The following MB21D2 variants were observed in gnomAD, a reference collection of about 807,000 sequenced individuals.
MB21D2 encodes the protein nucleotidyltransferase MB21D2.
Under a neutral mutation model 33.3 loss-of-function variants are expected in MB21D2, and 9 were observed. The observed-to-expected ratio is 0.27, with a 90% confidence interval of 0.16 to 0.47. The LOEUF (loss-of-function observed/expected upper bound fraction) is 0.47. MB21D2 is among the 20% of genes least tolerant of loss of function. The pLI, the probability that MB21D2 is intolerant of heterozygous loss-of-function variation, is 0.99. For missense variants in MB21D2, 540 were observed against 624.6 expected (o/e 0.86, Z 1.44); for synonymous variants, 241 against 236.3 (o/e 1.02, Z -0.18).
At chr3:192,827,196 C>T (rs1712194724) in intron 1 of MB21D2, among the ~76,000 whole-genome samples, 4 of 151,710 alleles carry the variant, frequency 2.6e-5, no homozygotes, top group African/African-American at 7.3e-5. Context: ...GCGCCCGGCA[C>T]CCTGTCTTTC....
At chr3:192,824,592 T>C (rs1003688419) in intron 1 of MB21D2, among the ~76,000 whole-genome samples, 1 of 152,188 alleles carries the variant, frequency 6.6e-6, no homozygotes, top group African/African-American at 2.4e-5. Flanking sequence ...TAAAGTATTT[T>C]CAACTCTAAA....
chr3:192,826,895 CTT>C (rs928013428), intron 1 of MB21D2, among the ~76,000 whole-genome samples: 12 of 143,988 alleles, frequency 8.3e-5, no homozygotes, highest in Admixed American at 7.0e-5. Context: ...CCCTTTCCTT[CTT>C]TTTTTTTTTT....
chr3:192,893,136 G>A (rs1413007226), intron 1 of MB21D2, among the ~76,000 whole-genome samples: 1 of 152,114 alleles, frequency 6.6e-6, no homozygotes, highest in Non-Finnish European at 1.5e-5. Flanking sequence ...CAGGGGCCAA[G>A]TTACCAACCT....
chr3:192,858,647 A>C (rs560523776), intron 1 of MB21D2, among the ~76,000 whole-genome samples: 5 of 152,200 alleles, frequency 3.3e-5, no homozygotes, highest in Non-Finnish European at 5.9e-5. Flanking sequence ...AAAAATGGAC[A>C]GATAGACAGA....
chr3:192,877,308 ACAAAC>A (rs753455692), intron 1 of MB21D2, among the ~76,000 whole-genome samples: 35 of 152,332 alleles, frequency 2.3e-4, no homozygotes, highest in Admixed American at 5.9e-4. Flanking sequence ...GCTCATTAAA[ACAAAC>A]CAAAAACAAA....
intron 1 of MB21D2, among the ~76,000 whole-genome samples, chr3:192,896,167 G>A (rs981372686): frequency 6.6e-6 from 1 of 152,020 alleles, no homozygotes; most frequent in South Asian, 2.1e-4. Context: ...AAAAAACATG[G>A]CTATAAAATT....
chr3:192,844,293 T>G (rs1007055629), intron 1 of MB21D2, among the ~76,000 whole-genome samples: 1 of 152,146 alleles, frequency 6.6e-6, no homozygotes, highest in Non-Finnish European at 1.5e-5. Flanking sequence ...AGGCAAGGAG[T>G]GTAGACAGCT....
In MB21D2 at chr3:192,842,286, C is replaced by T. The variant is rs1328915176; in HGVS notation, c.212-42636G>A. On this transcript the variant is annotated intron_variant, in intron 1 of 1. Transcript: ENST00000392452. ...TGAACACTGGCCTCCCACGGCTGCC[C>T]GTCAGAGCCAGAGGTTTCTAACCAC... is the stretch of plus-strand genomic sequence containing the variant. 5.9e-5 allele frequency among the ~76,000 whole-genome samples: 9 copies of T among 152,202 alleles called. No individual in the cohort carries two copies. The East Asian group carries it at 9.6e-4, about 16-fold the overall frequency.
intron 1 of MB21D2, among the ~76,000 whole-genome samples, chr3:192,910,983 T>C (rs1714340198): frequency 6.6e-6 from 1 of 152,226 alleles, no homozygotes; most frequent in Non-Finnish European, 1.5e-5. Flanking sequence ...GTACATATAA[T>C]GATTAAGCCC....
chr3:192,873,678 A>T (rs1254985799), intron 1 of MB21D2, among the ~76,000 whole-genome samples: 1 of 152,100 alleles, frequency 6.6e-6, no homozygotes, highest in Non-Finnish European at 1.5e-5. Flanking sequence ...TGGAAACAGG[A>T]GACTCTCTTA....
intron 1 of MB21D2, among the ~76,000 whole-genome samples, chr3:192,841,586 C>T (rs945511137): frequency 1.3e-5 from 2 of 152,214 alleles, no homozygotes; most frequent in African/African-American, 4.8e-5. Context: ...ATACTCCAGC[C>T]CAGTCAAGTG....
intron 1 of MB21D2, among the ~76,000 whole-genome samples, chr3:192,909,124 C>T (rs994702066): frequency 1.3e-4 from 19 of 151,112 alleles, no homozygotes; most frequent in African/African-American, 2.4e-4. Flanking sequence ...AGCATGGTGG[C>T]GGGCGCCTGT....
At chr3:192,846,661 T>C (rs1397993363) in intron 1 of MB21D2, among the ~76,000 whole-genome samples, 2 of 152,300 alleles carry the variant, frequency 1.3e-5, no homozygotes, top group African/African-American at 4.8e-5. Context: ...AAGAAATCCA[T>C]GCTGTTTCAT....
chr3:192,801,127 A>G (rs990640497), intron 1 of MB21D2, among the ~76,000 whole-genome samples: 2 of 152,308 alleles, frequency 1.3e-5, no homozygotes, highest in African/African-American at 4.8e-5. Context: ...ATGATAAGGG[A>G]AAAAATGCAT....
chr3:192,829,043 C>T (rs1479135827), intron 1 of MB21D2, among the ~76,000 whole-genome samples: 1 of 152,066 alleles, frequency 6.6e-6, no homozygotes, highest in Non-Finnish European at 1.5e-5. Flanking sequence ...TTTCCATCAC[C>T]CCAAAAAGTT....
chr3:192,909,283 T>A (rs1243538433), intron 1 of MB21D2, among the ~76,000 whole-genome samples: 3 of 150,926 alleles, frequency 2.0e-5, no homozygotes, highest in South Asian at 2.1e-4. Flanking sequence ...AATAAAAAAA[T>A]AATAATAAAT....
chr3:192,804,710 G>A (rs1711627609), intron 1 of MB21D2, among the ~76,000 whole-genome samples: 1 of 152,132 alleles, frequency 6.6e-6, no homozygotes, highest in Admixed American at 6.6e-5. Flanking sequence ...GGTACACGGT[G>A]TGATGATGTT....
At chr3:192,806,003 C>T (rs1479504084) in intron 1 of MB21D2, among the ~76,000 whole-genome samples, 1 of 152,228 alleles carries the variant, frequency 6.6e-6, no homozygotes, top group East Asian at 1.9e-4. Flanking sequence ...ATGAAGTATT[C>T]TCTCCCCTGG....
intron 1 of MB21D2, among the ~76,000 whole-genome samples, chr3:192,879,543 C>G (rs1205462256): frequency 1.3e-5 from 2 of 152,208 alleles, no homozygotes; most frequent in African/African-American, 2.4e-5. Context: ...ATTACGATTT[C>G]CCCTGGAAAT....
Sources: gnomAD v4.1 joint callset for allele counts (sites outside exome capture counted in the v4.1 genomes callset) on GRCh38, gnomAD v4.1.1 for gene constraint, MANE v1.5 for transcripts, NCBI Gene and HGNC (gene_info 2026-07-23, HGNC 2026-07-21) for gene names.